BEND5: variants seen among roughly 807,000 people sequenced by gnomAD.
The protein encoded by BEND5 is BEN domain containing 5, also known as BEN domain-containing protein 5.
BEND5 carries 22 observed loss-of-function variants against 43.9 expected under a neutral mutation model. The ratio of observed to expected loss-of-function variants is 0.50; its 90% CI spans 0.36 to 0.72. BEND5 has a LOEUF of 0.72. BEND5 is among the 30% of genes least tolerant of loss of function. The pLI is 0.00. For missense variants in BEND5, 428 were observed against 550.6 expected, an observed-to-expected ratio of 0.78 and a Z score of 2.23; for synonymous variants, 228 against 225.9, an observed-to-expected ratio of 1.01 and a Z score of -0.08.
chr1:48,737,221 T>C (rs1033606185), intron 4 of BEND5, among the ~76,000 whole-genome samples: 2 of 152,050 alleles, frequency 1.3e-5, no homozygotes, highest in Admixed American at 1.3e-4. Flanking sequence ...GAGGAAGAGG[T>C]TGCAGTGAGC....
chr1:48,764,523 A>G (rs763088551), intron 1 of BEND5, among the ~76,000 whole-genome samples: 2 of 152,162 alleles, frequency 1.3e-5, no homozygotes, highest in Non-Finnish European at 2.9e-5. Context: ...GTTATGAAAG[A>G]TGGTTCAGTT....
intron 5 of BEND5, among the ~76,000 whole-genome samples, chr1:48,732,358 G>T (rs1370226383): frequency 6.6e-6 from 1 of 152,100 alleles, no homozygotes; most frequent in Non-Finnish European, 1.5e-5. Context: ...TACAGATTTG[G>T]GAATCATCAT....
intron 3 of BEND5, among the ~76,000 whole-genome samples, chr1:48,744,084 G>A (rs1358112845): frequency 6.6e-6 from 1 of 152,166 alleles, no homozygotes; most frequent in Non-Finnish European, 1.5e-5. Context: ...TTAATTGTGT[G>A]ACCACAGGTG....
chr1:48,764,049 G>A (rs1183973591), intron 1 of BEND5, among the ~76,000 whole-genome samples: 2 of 152,074 alleles, frequency 1.3e-5, no homozygotes, highest in African/African-American at 4.8e-5. Context: ...AACTGGCCCG[G>A]GGGACACAGA....
chr1:48,764,004 T>C (rs970493338), intron 1 of BEND5, among the ~76,000 whole-genome samples: 5 of 152,188 alleles, frequency 3.3e-5, no homozygotes, highest in Non-Finnish European at 7.3e-5. Flanking sequence ...ATGCCTCGAC[T>C]TAACCTTTAC....
Position 48,727,649 on chromosome 1 carries a change from G to T in BEND5, c.*237C>A, listed in dbSNP as rs1647383256. On this transcript the variant is annotated 3_prime_UTR_variant, in exon 6 of 6. Coordinates refer to ENST00000371833, the MANE Select transcript of BEND5 (RefSeq NM_024603.4). ...CTCAGGCAACCTTATCCCCCTCCAA[G>T]AAGAGTGTTTTCCCCATTCCCAGAA... 3.2e-6 allele frequency: 1 copy of T among 309,232 alleles called. No homozygotes were observed. The highest frequency in any genetic ancestry group is 2.1e-5 in the African/African-American group (1 of 46,804). The allele number at this position is 309,232 out of a possible 1,614,324, so 19.2% of individuals were successfully genotyped here.
Position 48,736,113 on chromosome 1 carries a change from G to A in BEND5, c.1108+126C>T, listed in dbSNP as rs189365670. ...TTTGGGTTATCCGCTTGGTGTCCCC[G>A]GGCTCAGCCCAGGGTCTGGCATGCA... On this transcript the variant is annotated intron_variant, in intron 5 of 5. Transcript: ENST00000371833. The surrounding 1 kb of genome is among the most constrained non-coding windows in gnomAD (Gnocchi z 4.0). 1,756 of 1,086,360 alleles carry A rather than the reference G, an allele frequency of 1.6e-3. 8 individuals carry two copies. Among genetic ancestry groups the A allele is most frequent in the Non-Finnish European group, 1.8e-3 (1,327 of 734,074 alleles). 67.3% of individuals were successfully genotyped at this position (1,086,360 alleles called of 1,614,324 possible). A position where few individuals can be genotyped will look rare whatever the true frequency, so the allele number is the denominator to read the frequency against.
intron 4 of BEND5, among the ~76,000 whole-genome samples, chr1:48,738,894 G>A (rs1649480844): frequency 1.3e-5 from 2 of 152,106 alleles, no homozygotes; most frequent in Admixed American, 6.5e-5. Context: ...GATGGAAATA[G>A]GTAGAAATTA....
intron 2 of BEND5, chr1:48,761,108 C>T (rs1417399330): frequency 4.0e-6 from 2 of 497,052 alleles, no homozygotes; most frequent in Admixed American, 6.7e-5. Context: ...ACAGACTGTG[C>T]AAACAGGACC....
At chr1:48,728,664 C>T (rs1647604688) in intron 5 of BEND5, among the ~76,000 whole-genome samples, 1 of 152,122 alleles carries the variant, frequency 6.6e-6, no homozygotes, top group Admixed American at 6.5e-5. Flanking sequence ...CTGGCACATG[C>T]CTCTGGGGAA....
At chr1:48,771,119 A>G (rs1002680479) in intron 1 of BEND5, among the ~76,000 whole-genome samples, 3 of 152,218 alleles carry the variant, frequency 2.0e-5, no homozygotes, top group African/African-American at 7.2e-5. Flanking sequence ...CTCTTCCTGC[A>G]TTTCCCTGGA....
At chr1:48,753,750 C>A (rs566838836) in intron 3 of BEND5, among the ~76,000 whole-genome samples, 1 of 152,194 alleles carries the variant, frequency 6.6e-6, no homozygotes, top group Non-Finnish European at 1.5e-5. Context: ...ATAAGACTAT[C>A]GGAATTGTCC....
At chr1:48,768,783 A>G (rs1237519433) in intron 1 of BEND5, among the ~76,000 whole-genome samples, 2 of 152,334 alleles carry the variant, frequency 1.3e-5, no homozygotes, top group East Asian at 1.9e-4. Context: ...ATATCTATAT[A>G]TAAGTTTAAA....
chr1:48,736,564 A>C lies in BEND5; in HGVS notation c.895-112T>G. 1 of 928,402 alleles carries C rather than the reference A, an allele frequency of 1.1e-6. No homozygotes were observed. Among genetic ancestry groups the C allele is most frequent in the Non-Finnish European group, 1.7e-6 (1 of 600,236 alleles). 57.5% of individuals were successfully genotyped at this position (928,402 alleles called of 1,614,324 possible). A position where few individuals can be genotyped will look rare whatever the true frequency, so the allele number is the denominator to read the frequency against. ...ACAACTGTAAGAGATTCATGTCATA[A>C]ATATGAAATTAACTCTCTTTAAGGG... On this transcript the variant is annotated intron_variant, in intron 4 of 5. Coordinates refer to ENST00000371833, the MANE Select transcript of BEND5 (RefSeq NM_024603.4). The surrounding 1 kb of genome is among the most constrained non-coding windows in gnomAD (Gnocchi z 4.0).
At chr1:48,728,996 G>C (rs1647657365) in intron 5 of BEND5, among the ~76,000 whole-genome samples, 1 of 152,194 alleles carries the variant, frequency 6.6e-6, no homozygotes, top group Non-Finnish European at 1.5e-5. Context: ...GCCAGCTCCA[G>C]ACAAGGTCTG....
At chr1:48,755,659 G>C (rs1411702334) in intron 3 of BEND5, among the ~76,000 whole-genome samples, 1 of 152,142 alleles carries the variant, frequency 6.6e-6, no homozygotes, top group Non-Finnish European at 1.5e-5. Flanking sequence ...GGTGTTTATA[G>C]ATCAGGATCT....
At chr1:48,758,704 G>A (rs1169755066) in intron 3 of BEND5, among the ~76,000 whole-genome samples, 196 bp downstream of exon 3, 1 of 152,220 alleles carries the variant, frequency 6.6e-6, no homozygotes, top group Non-Finnish European at 1.5e-5. Context: ...AGCTGAGGCT[G>A]CTGCATACAT....
At position 48,727,821 on chromosome 1, in the gene BEND5, C is replaced by T; in HGVS notation, c.*65G>A. ...GCACGGTGGGGTCTGATTTGGACGG[C>T]ACCATCGCTCGCAAATCACATGCCA... On this transcript the variant is annotated 3_prime_UTR_variant, in exon 6 of 6. Coordinates refer to ENST00000371833, the MANE Select transcript of BEND5 (RefSeq NM_024603.4). The T allele has an allele frequency of 6.8e-7, 1 of 1,473,318 alleles. No homozygotes were observed. The highest frequency in any genetic ancestry group is 2.3e-5 in the East Asian group (1 of 43,856). 91.3% of individuals were successfully genotyped at this position (1,473,318 alleles called of 1,614,324 possible).
chr1:48,748,064 AT>A (rs917679009), intron 3 of BEND5, among the ~76,000 whole-genome samples: 1 of 152,230 alleles, frequency 6.6e-6, no homozygotes, highest in African/African-American at 2.4e-5. Flanking sequence ...CGTACAGAAC[AT>A]CTGCTGTGGC....
Sources: gnomAD v4.1 joint callset for allele counts (sites outside exome capture counted in the v4.1 genomes callset) on GRCh38, gnomAD v4.1.1 for gene constraint, Gnocchi (gnomAD v3.1) non-coding constraint, MANE v1.5 for transcripts, NCBI Gene and HGNC (gene_info 2026-07-23, HGNC 2026-07-21) for gene names.